Variants in ZNF521 observed in about 807,000 individuals in gnomAD.
ZNF521 encodes the protein zinc finger protein 521.
ZNF521 carries 14 observed loss-of-function variants against 105.5 expected under a neutral mutation model. The observed-to-expected ratio is 0.13, with a 90% CI of 0.09 to 0.21. The LOEUF (loss-of-function observed/expected upper bound fraction) is 0.21, where lower values mean the gene tolerates loss of function less well. ZNF521 is among the 10% of genes least tolerant of loss of function. ZNF521 has a pLI of 1.00. For synonymous variants in ZNF521, 635 were observed against 606.0 expected, an observed-to-expected ratio of 1.05 and a Z score of -0.70; for missense variants, 1,233 against 1,629.7, an observed-to-expected ratio of 0.76 and a Z score of 4.19.
chr18:25,114,413 A>T (rs1249178371), intron 5 of ZNF521, among the ~76,000 whole-genome samples: 1 of 152,210 alleles, frequency 6.6e-6, no homozygotes, highest in African/African-American at 2.4e-5. Flanking sequence ...CTATATTTTT[A>T]AAAATTACAG....
intron 5 of ZNF521, among the ~76,000 whole-genome samples, chr18:25,188,759 C>T (rs1460399864): frequency 6.6e-6 from 1 of 152,192 alleles, no homozygotes; most frequent in Non-Finnish European, 1.5e-5. Flanking sequence ...CCTAGCGTCT[C>T]TGTGCTGAGC....
chr18:25,284,318 C>A (rs1910560877), intron 3 of ZNF521, among the ~76,000 whole-genome samples: 1 of 152,188 alleles, frequency 6.6e-6, no homozygotes, highest in Non-Finnish European at 1.5e-5. Flanking sequence ...CACACACACA[C>A]ATACACACAC....
intron 4 of ZNF521, among the ~76,000 whole-genome samples, chr18:25,221,431 G>A (rs962068326): frequency 1.3e-5 from 2 of 152,070 alleles, no homozygotes; most frequent in Admixed American, 6.6e-5. Context: ...TTTGAAAGAT[G>A]GACACAAATG....
intron 4 of ZNF521, among the ~76,000 whole-genome samples, chr18:25,221,651 T>C (rs1435366286): frequency 6.6e-6 from 1 of 152,222 alleles, no homozygotes; most frequent in Admixed American, 6.5e-5. Flanking sequence ...AATAGACATA[T>C]ATGTCACATT....
chr18:25,328,555 ATT>A (rs553485009), intron 2 of ZNF521, among the ~76,000 whole-genome samples: 75 of 140,734 alleles, frequency 5.3e-4, no homozygotes, highest in South Asian at 2.7e-3. Flanking sequence ...TTTTTTATTA[ATT>A]TTTTTTTTTT....
intron 3 of ZNF521, among the ~76,000 whole-genome samples, chr18:25,249,882 A>C (rs1481976635): frequency 1.3e-5 from 2 of 152,222 alleles, no homozygotes; most frequent in East Asian, 3.8e-4. Context: ...ATACTCTGAA[A>C]TAACCAATAT....
At chr18:25,179,032 G>C (rs1233972391) in intron 5 of ZNF521, among the ~76,000 whole-genome samples, 2 of 148,744 alleles carry the variant, frequency 1.3e-5, no homozygotes, top group Non-Finnish European at 3.0e-5. Flanking sequence ...ATCAATGCTT[G>C]ACACCTGTTC....
chr18:25,206,550 A>AT (rs1412520362), intron 4 of ZNF521, among the ~76,000 whole-genome samples: 2 of 152,034 alleles, frequency 1.3e-5, no homozygotes, highest in East Asian at 3.9e-4. Flanking sequence ...TACCTACAAA[A>AT]TGTGGTTTGT....
At chr18:25,237,382 GCTA>G (rs959481884) in intron 3 of ZNF521, among the ~76,000 whole-genome samples, 1 of 151,856 alleles carries the variant, frequency 6.6e-6, no homozygotes, top group African/African-American at 2.4e-5. Flanking sequence ...ACTTTATGAC[GCTA>G]CTTTCTACTG....
intron 5 of ZNF521, among the ~76,000 whole-genome samples, chr18:25,117,511 T>C (rs2034352919): frequency 6.6e-6 from 1 of 152,142 alleles, no homozygotes; most frequent in African/African-American, 2.4e-5. Flanking sequence ...ATTATAACTA[T>C]GCTTAATGAT....
At chr18:25,217,450 T>C (rs116403367) in intron 4 of ZNF521, among the ~76,000 whole-genome samples, 59 of 152,234 alleles carry the variant, frequency 3.9e-4, no homozygotes, top group African/African-American at 1.3e-3. Flanking sequence ...GCTTGAGTAA[T>C]TGGGTGTAGA....
intron 7 of ZNF521, among the ~76,000 whole-genome samples, chr18:25,066,604 G>C (rs1444156791): frequency 2.0e-5 from 3 of 152,134 alleles, no homozygotes; most frequent in African/African-American, 7.2e-5. Flanking sequence ...TATTTCTTTA[G>C]AAAGGGAGAC....
At chr18:25,115,442 G>A (rs891064479) in intron 5 of ZNF521, among the ~76,000 whole-genome samples, 34 of 151,302 alleles carry the variant, frequency 2.2e-4, no homozygotes, top group Non-Finnish European at 3.0e-5. Context: ...TAAATTTAAC[G>A]AATAAAAAAA....
intron 7 of ZNF521, among the ~76,000 whole-genome samples, chr18:25,068,666 C>G (rs1043362580): frequency 1.3e-5 from 2 of 152,122 alleles, no homozygotes; most frequent in African/African-American, 4.8e-5. Flanking sequence ...CCTGCCCACT[C>G]AAAATAAAGC....
At chr18:25,270,690 A>C (rs1441495645) in intron 3 of ZNF521, among the ~76,000 whole-genome samples, 1 of 152,176 alleles carries the variant, frequency 6.6e-6, no homozygotes, top group African/African-American at 2.4e-5. Context: ...TGATTATCTC[A>C]CTAGATGCAG....
intron 3 of ZNF521, among the ~76,000 whole-genome samples, chr18:25,298,309 G>A (rs1172086397): frequency 6.6e-6 from 1 of 152,048 alleles, no homozygotes; most frequent in African/African-American, 2.4e-5. Context: ...ATGAACCTTG[G>A]ACCAAATCAT....
At chr18:25,076,688 A>G (rs2033370453) in intron 7 of ZNF521, among the ~76,000 whole-genome samples, 1 of 152,218 alleles carries the variant, frequency 6.6e-6, no homozygotes, top group South Asian at 2.1e-4. Context: ...TGGCAATTGC[A>G]TGATGCAAAT....
At chr18:25,095,648 A>G (rs2033836778) in intron 5 of ZNF521, among the ~76,000 whole-genome samples, 1 of 152,152 alleles carries the variant, frequency 6.6e-6, no homozygotes, top group South Asian at 2.1e-4. Flanking sequence ...AAACCCTATT[A>G]ATGAAGACTG....
chr18:25,344,180 G>T (rs1034303001), intron 2 of ZNF521, among the ~76,000 whole-genome samples: 1 of 145,084 alleles, frequency 6.9e-6, no homozygotes, highest in African/African-American at 2.6e-5. Flanking sequence ...AAAGCCCAAG[G>T]TGCCTAAAAT....
Sources: gnomAD v4.1 joint callset for allele counts (sites outside exome capture counted in the v4.1 genomes callset) on GRCh38, gnomAD v4.1.1 for gene constraint, MANE v1.5 for transcripts, NCBI Gene and HGNC (gene_info 2026-07-23, HGNC 2026-07-21) for gene names.